Variants in FHAD1 observed in about 807,000 individuals in gnomAD.
FHAD1 encodes forkhead-associated domain-containing protein 1.
FHAD1 carries 146 observed loss-of-function variants against 191.3 expected under a neutral mutation model. That is an observed-to-expected ratio of 0.76 (90% CI 0.67 to 0.88). FHAD1 has a LOEUF of 0.88. Ranked by LOEUF, FHAD1 falls within the 40% of genes least tolerant of loss-of-function variation. The pLI is 0.00. For missense variants in FHAD1, 1,635 were observed against 1,785.8 expected, an observed-to-expected ratio of 0.92 and a Z score of 1.52; for synonymous variants, 616 against 672.3, an observed-to-expected ratio of 0.92 and a Z score of 1.29.
At chr1:15,339,391 G>C in intron 14 of FHAD1, 90 bp from the exon 15 acceptor site, 1 of 518,736 alleles carries the variant, frequency 1.9e-6, no homozygotes, top group South Asian at 1.9e-5. Context: ...ACGTTGTTTT[G>C]ATGGGATGGC....
chr1:15,379,828 A>G (rs1436422785), intron 28 of FHAD1, among the ~76,000 whole-genome samples: 2 of 152,218 alleles, frequency 1.3e-5, no homozygotes, highest in African/African-American at 2.4e-5. Flanking sequence ...GACACAGCAC[A>G]TGTTTCAGAG....
At chr1:15,304,992 T>C (rs1670003361) in intron 6 of FHAD1, among the ~76,000 whole-genome samples, 1 of 151,616 alleles carries the variant, frequency 6.6e-6, no homozygotes, top group Non-Finnish European at 1.5e-5. Flanking sequence ...TATCTTATGA[T>C]ATGCCTGCAA....
chr1:15,348,971 A>G lies in FHAD1; in HGVS notation c.2347-71A>G. 4 of 912,124 alleles carry G rather than the reference A, an allele frequency of 4.4e-6. 1 individual carries two copies. The highest frequency in any genetic ancestry group is 3.1e-5 in the South Asian group (2 of 64,794). The allele number at this position is 912,124 out of a possible 1,614,324, so 56.5% of individuals were successfully genotyped here. On this transcript the variant is annotated intron_variant, in intron 18 of 33. Coordinates refer to ENST00000688493, the MANE Select transcript of FHAD1 (RefSeq NM_001391957.1). ...TATTGTTACTATTATTATTATTATTATCATTATCATTACTAGCAATTTCCC... is the reference window on the plus strand; with the variant it reads ...TATTGTTACTATTATTATTATTATTGTCATTATCATTACTAGCAATTTCCC...
Position 15,329,851 on chromosome 1 carries a change from C to T in FHAD1, c.1906+310C>T, listed in dbSNP as rs140024167. On this transcript the variant is annotated intron_variant, in intron 14 of 33. Transcript: ENST00000688493. This position sits in a 1 kb window ranked among gnomAD's most constrained non-coding sequence, Gnocchi z 5.0. ...AGGCATTTTCCCATGGAAATAACCG[C>T]GTGATTCCAGGCAAGTGACTTACCC... 829 of 334,378 alleles carry T rather than the reference C, an allele frequency of 2.5e-3. 2 individuals are homozygous for T. The highest frequency in any genetic ancestry group is 3.5e-3 in the Non-Finnish European group (621 of 175,958). 20.7% of individuals were successfully genotyped at this position (334,378 alleles called of 1,614,324 possible).
Position 15,289,400 on chromosome 1 carries a change from T to C in FHAD1, c.302T>C (p.Val101Ala), listed in dbSNP as rs1228018763. 6.4e-7 allele frequency: 1 copy of C among 1,551,310 alleles called. No individual in the cohort carries two copies. The highest frequency in any genetic ancestry group is 1.4e-5 in the African/African-American group (1 of 73,134). Residue 101 changes from valine to alanine, a missense_variant and splice_region_variant, in exon 4 of 34, where the codon GTC becomes GCC. Physicochemically the swap from Val to Ala is moderately conservative, Grantham distance 64 (BLOSUM62 0). Transcript: ENST00000688493. The surrounding 1 kb of genome is among the most constrained non-coding windows in gnomAD (Gnocchi z 4.2). Reference protein sequence around the residue: ...YELVIENPPPVSFPWMRGPAP... With the variant: ...YELVIENPPPASFPWMRGPAP... ...CCTGACCCTTGTCTGCCCCTGCAGG[T>C]CTCTTTCCCATGGATGAGGGGCCCA...
intron 4 of FHAD1, among the ~76,000 whole-genome samples, chr1:15,291,996 A>G (rs1478675256): frequency 1.3e-5 from 2 of 152,056 alleles, no homozygotes; most frequent in African/African-American, 2.4e-5. Context: ...AAACTCCATC[A>G]TTTCTCCAGT....
At chr1:15,249,334 C>CT (rs1646492496) in intron 1 of FHAD1, among the ~76,000 whole-genome samples, 2 of 150,714 alleles carry the variant, frequency 1.3e-5, no homozygotes, top group African/African-American at 4.9e-5. Context: ...GGGTTTTACT[C>CT]TGGAGGCATT....
At chr1:15,254,608 A>G (rs1021846754) in intron 2 of FHAD1, among the ~76,000 whole-genome samples, 1 of 152,220 alleles carries the variant, frequency 6.6e-6, no homozygotes, top group Non-Finnish European at 1.5e-5. Context: ...CATTGATTGT[A>G]TAAAAATAAT....
intron 22 of FHAD1, 49 bp downstream of exon 22, chr1:15,360,752 T>A (rs1211538537): frequency 6.8e-7 from 1 of 1,473,452 alleles, no homozygotes; most frequent in Non-Finnish European, 9.3e-7. Context: ...GGGCAGGTTC[T>A]GATTGTCCGC....
chr1:15,391,272 A>G lies in FHAD1; in HGVS notation c.4323+9A>G. On this transcript the variant is annotated intron_variant, in intron 33 of 33. Coordinates refer to ENST00000688493, the MANE Select transcript of FHAD1 (RefSeq NM_001391957.1). ...AGAACTCAAATTCCCAGGTGAGCAG[A>G]AAGAGCATCCTTTAGAATTCTCTTT... is the stretch of plus-strand genomic sequence containing the variant. The G allele has an allele frequency of 7.8e-7, 1 of 1,284,394 alleles. No homozygotes were observed. The highest frequency in any genetic ancestry group is 1.0e-6 in the Non-Finnish European group (1 of 984,552). 79.6% of individuals were successfully genotyped at this position (1,284,394 alleles called of 1,614,324 possible).
rs374008567 is a variant in FHAD1, at chr1:15,284,879, A to G, written c.301-4520A>G. Among the ~76,000 whole-genome samples, 624 of 152,200 alleles carry G rather than the reference A, an allele frequency of 4.1e-3. 14 individuals carry two copies. In the South Asian group the frequency reaches 0.079, roughly 19 times the overall value. On this transcript the variant is annotated intron_variant, in intron 3 of 33. Coordinates refer to ENST00000688493, the MANE Select transcript of FHAD1 (RefSeq NM_001391957.1). ...GGCCTCAAAAATAAACAAAGAAAAA[A>G]CCACCACGCCACACACCATATGGTC...
chr1:15,271,256 T>G (rs1258038127), intron 2 of FHAD1, among the ~76,000 whole-genome samples: 1 of 151,894 alleles, frequency 6.6e-6, no homozygotes, highest in African/African-American at 2.4e-5. Context: ...GAGGCTGCAG[T>G]GAGCCGAGAT....
chr1:15,302,594 G>A (rs1006695484), intron 6 of FHAD1, among the ~76,000 whole-genome samples: 4 of 152,066 alleles, frequency 2.6e-5, no homozygotes, highest in East Asian at 1.9e-4. Context: ...GTGTGGTGGC[G>A]GGCGCCTGTA....
intron 18 of FHAD1, among the ~76,000 whole-genome samples, chr1:15,347,081 CAG>C (rs1210056509): frequency 1.3e-5 from 2 of 152,232 alleles, no homozygotes; most frequent in African/African-American, 4.8e-5. Context: ...TGACCCAGGA[CAG>C]AGAGACGTTT....
At position 15,367,727 on chromosome 1, in the gene FHAD1, G is replaced by C. The variant is rs1696923596; in HGVS notation, c.3314+105G>C. On this transcript the variant is annotated intron_variant, in intron 25 of 33. Coordinates refer to ENST00000688493, the MANE Select transcript of FHAD1 (RefSeq NM_001391957.1). ...GTACATGCTGCTTGAGGAGTTGAAT[G>C]AATGAATGATATGTGTTTCATGGCT... is the stretch of plus-strand genomic sequence containing the variant. 5.6e-6 allele frequency: 5 copies of C among 887,432 alleles called. No individual in the cohort carries two copies. The South Asian group carries it at 8.4e-5, about 15-fold the overall frequency. The allele number at this position is 887,432 out of a possible 1,614,324, so 55.0% of individuals were successfully genotyped here.
At chr1:15,290,040 A>G (rs1242896970) in intron 4 of FHAD1, among the ~76,000 whole-genome samples, 2 of 152,174 alleles carry the variant, frequency 1.3e-5, no homozygotes, top group Admixed American at 6.5e-5. Flanking sequence ...TTTGCCCCCA[A>G]CAGCCCTAGG....
At chr1:15,375,505 A>G in intron 27 of FHAD1, 98 bp from the exon 28 acceptor site, 1 of 1,173,084 alleles carries the variant, frequency 8.5e-7, no homozygotes, top group South Asian at 1.7e-5. Flanking sequence ...GGATTAAAAC[A>G]GGCCTGTGTA....
At chr1:15,370,907 C>T (rs1329352127) in intron 26 of FHAD1, among the ~76,000 whole-genome samples, 1 of 152,168 alleles carries the variant, frequency 6.6e-6, no homozygotes, top group African/African-American at 2.4e-5. Context: ...CTTTCCGGCT[C>T]TCTCAGAGAT....
intron 3 of FHAD1, among the ~76,000 whole-genome samples, chr1:15,274,257 C>T (rs1231240129): frequency 3.9e-5 from 6 of 152,046 alleles, no homozygotes; most frequent in Non-Finnish European, 8.8e-5. Flanking sequence ...AGTGTGTCAC[C>T]CAGTGGTAAA....
Sources: gnomAD v4.1 joint callset for allele counts (sites outside exome capture counted in the v4.1 genomes callset) on GRCh38, gnomAD v4.1.1 for gene constraint, Gnocchi (gnomAD v3.1) non-coding constraint, MANE v1.5 for transcripts, NCBI Gene and HGNC (gene_info 2026-07-23, HGNC 2026-07-21) for gene names.